Variants in SNTG1 observed in about 807,000 individuals in gnomAD.
SNTG1 encodes gamma-1-syntrophin.
In SNTG1, 39 loss-of-function variants were observed where a neutral mutation model predicts 74.7. The observed-to-expected ratio is 0.52, with a 90% confidence interval of 0.40 to 0.68. The LOEUF is 0.68. Ranked by LOEUF, SNTG1 falls within the 30% of genes least tolerant of loss-of-function variation. The pLI, the probability that SNTG1 is intolerant of heterozygous loss-of-function variation, is 0.00. For missense variants in SNTG1, 685 were observed against 609.5 expected (o/e 1.12, Z -1.30); for synonymous variants, 254 against 217.1 (o/e 1.17, Z -1.49).
intron 15 of SNTG1, among the ~76,000 whole-genome samples, chr8:50,704,391 T>G (rs1354371114): frequency 6.6e-6 from 1 of 152,186 alleles, no homozygotes; most frequent in African/African-American, 2.4e-5. Context: ...ACTTCTATTT[T>G]ATGGACATGC....
At chr8:49,980,442 T>G (rs1276270887) in intron 1 of SNTG1, among the ~76,000 whole-genome samples, 1 of 141,572 alleles carries the variant, frequency 7.1e-6, no homozygotes, top group Non-Finnish European at 1.5e-5. Flanking sequence ...AGTTTCTGCC[T>G]GCACGAGTTC....
intron 2 of SNTG1, among the ~76,000 whole-genome samples, chr8:50,329,519 T>TG (rs2090878576): frequency 6.6e-6 from 1 of 152,100 alleles, no homozygotes; most frequent in Non-Finnish European, 1.5e-5. Flanking sequence ...ATTTGGCCCT[T>TG]GCACCCTCTA....
intron 1 of SNTG1, among the ~76,000 whole-genome samples, chr8:50,080,119 T>C (rs1197234625): frequency 6.6e-6 from 1 of 152,196 alleles, no homozygotes; most frequent in East Asian, 1.9e-4. Context: ...CTTGTGACTT[T>C]ACAAAACTTG....
chr8:50,285,332 C>T (rs2088706411), intron 2 of SNTG1, among the ~76,000 whole-genome samples: 1 of 152,132 alleles, frequency 6.6e-6, no homozygotes, highest in South Asian at 2.1e-4. Flanking sequence ...ACATTATTTG[C>T]TAGGACCAAT....
chr8:49,929,733 T>C lies in SNTG1; in HGVS notation c.-103+17502T>C, dbSNP rs540018840. Among the ~76,000 whole-genome samples, 8 of 152,204 alleles carry C rather than the reference T, an allele frequency of 5.3e-5. No homozygotes were observed. In the South Asian group the frequency reaches 1.0e-3, roughly 20 times the overall value. On this transcript the variant is annotated intron_variant, in intron 1 of 18. Transcript: ENST00000642720. ...TATTTTTTTTTAATTTTTTTTATTA[T>C]ACTTTAAGTTTTAGGGTACATGTGC...
intron 18 of SNTG1, 24 bp from the exon 19 acceptor site, chr8:50,792,647 G>T: frequency 6.3e-7 from 1 of 1,590,230 alleles, no homozygotes. Flanking sequence ...TATGTTATCT[G>T]ACCTGTTTCT....
chr8:50,634,518 G>A (rs1488974176), intron 13 of SNTG1, among the ~76,000 whole-genome samples: 3 of 152,146 alleles, frequency 2.0e-5, no homozygotes. Context: ...ACATTTACAT[G>A]CAGTTCTAAG....
intron 2 of SNTG1, among the ~76,000 whole-genome samples, chr8:50,182,180 G>C (rs945424727): frequency 4.6e-5 from 7 of 152,096 alleles, no homozygotes; most frequent in Non-Finnish European, 7.4e-5. Context: ...AATGCCTAAG[G>C]GTTGAAGAGG....
At chr8:50,275,627 G>A (rs1455754269) in intron 2 of SNTG1, among the ~76,000 whole-genome samples, 1 of 152,158 alleles carries the variant, frequency 6.6e-6, no homozygotes, top group African/African-American at 2.4e-5. Context: ...TGCGGTGCTG[G>A]AGGTAGAACC....
chr8:50,314,868 T>C (rs1404881414), intron 2 of SNTG1, among the ~76,000 whole-genome samples: 1 of 149,828 alleles, frequency 6.7e-6, no homozygotes, highest in East Asian at 2.0e-4. Context: ...CTTTACCTAG[T>C]GTTGTAAGCA....
chr8:49,948,470 AC>A (rs1809407752), intron 1 of SNTG1, among the ~76,000 whole-genome samples: 1 of 152,034 alleles, frequency 6.6e-6, no homozygotes, highest in Non-Finnish European at 1.5e-5. Context: ...TTCTCTCATG[AC>A]CCTTGTTTGG....
chr8:50,059,310 C>T (rs1820283035), intron 1 of SNTG1, among the ~76,000 whole-genome samples: 1 of 152,060 alleles, frequency 6.6e-6, no homozygotes, highest in Non-Finnish European at 1.5e-5. Context: ...TAACTTAGGT[C>T]AATTTTGTTG....
At chr8:50,476,857 GACACACACACAC>G (rs59121229) in intron 8 of SNTG1, among the ~76,000 whole-genome samples, 1 of 145,862 alleles carries the variant, frequency 6.9e-6, no homozygotes, top group Admixed American at 7.0e-5. Context: ...GACACACACA[GACACACACACAC>G]ACACACACAC....
rs536077223 is a variant in SNTG1, at chr8:50,779,300, GT to G, written c.1396-13370del. Among the ~76,000 whole-genome samples the G allele has an allele frequency of 4.1e-3, 617 of 152,246 alleles. 2 individuals are homozygous for G. Among genetic ancestry groups the G allele is most frequent in the African/African-American group, 0.014 (576 of 41,546 alleles). ...TCTATAAATTATTTTGGGCAGTATG[GT>G]CATTTTCACGATATTGATTCTTCCT... On this transcript the variant is annotated intron_variant, in intron 18 of 18. Coordinates refer to ENST00000642720, the MANE Select transcript of SNTG1 (RefSeq NM_018967.5).
intron 2 of SNTG1, among the ~76,000 whole-genome samples, chr8:50,393,764 G>C (rs1488572355): frequency 6.6e-6 from 1 of 152,256 alleles, no homozygotes; most frequent in East Asian, 1.9e-4. Flanking sequence ...CATGCATGTA[G>C]CTTTTTAATT....
At chr8:50,459,710 C>T (rs2093542539) in intron 8 of SNTG1, among the ~76,000 whole-genome samples, 1 of 152,236 alleles carries the variant, frequency 6.6e-6, no homozygotes, top group African/African-American at 2.4e-5. Flanking sequence ...TTGCTGCCAT[C>T]TTTGTGTCCA....
At chr8:50,373,028 A>G (rs1377441652) in intron 2 of SNTG1, among the ~76,000 whole-genome samples, 1 of 152,190 alleles carries the variant, frequency 6.6e-6, no homozygotes, top group Admixed American at 6.5e-5. Flanking sequence ...GCTATTCTGC[A>G]TGTATATAAC....
intron 1 of SNTG1, among the ~76,000 whole-genome samples, chr8:50,001,860 TA>T (rs1563454679): frequency 6.6e-6 from 1 of 152,164 alleles, no homozygotes; most frequent in Non-Finnish European, 1.5e-5. Context: ...ATTTGATTTA[TA>T]CAACCTTCTT....
chr8:50,668,854 C>A (rs1318832199), intron 15 of SNTG1, among the ~76,000 whole-genome samples: 1 of 151,926 alleles, frequency 6.6e-6, no homozygotes, highest in African/African-American at 2.4e-5. Context: ...TGTATATGTA[C>A]CACATTTTCT....
Sources: gnomAD v4.1 joint callset for allele counts (sites outside exome capture counted in the v4.1 genomes callset) on GRCh38, gnomAD v4.1.1 for gene constraint, MANE v1.5 for transcripts, NCBI Gene and HGNC (gene_info 2026-07-23, HGNC 2026-07-21) for gene names.